EBF2: variants seen among roughly 807,000 people sequenced by gnomAD.
The protein encoded by EBF2 is transcription factor COE2.
EBF2 carries 21 observed loss-of-function variants against 72.8 expected under a neutral mutation model. The observed-to-expected ratio is 0.29, with a 90% CI of 0.20 to 0.42. EBF2 has a LOEUF of 0.42. Ranked by LOEUF, EBF2 falls within the 10% of genes least tolerant of loss-of-function variation. The pLI is 1.00. For missense variants in EBF2, 637 were observed against 731.2 expected (o/e 0.87, Z 1.49); for synonymous variants, 299 against 274.2 (o/e 1.09, Z -0.89).
In EBF2 at chr8:26,041,516, G is replaced by A. The variant is rs559919600; in HGVS notation, c.289-514C>T. ...ACTCTAAAGCTCACATTGTACAGCT[G>A]GGGACACGGAGACCCGGAAAGGGCA... On this transcript the variant is annotated intron_variant, in intron 2 of 15. Coordinates refer to ENST00000520164, the MANE Select transcript of EBF2 (RefSeq NM_022659.4). The A allele has an allele frequency of 6.6e-5, 11 of 167,874 alleles. No individual in the cohort carries two copies. In the South Asian group the frequency reaches 1.3e-3, roughly 19 times the overall value. The allele number at this position is 167,874 out of a possible 1,614,324, so 10.4% of individuals were successfully genotyped here.
At chr8:25,913,044 C>T (rs559196783) in intron 6 of EBF2, among the ~76,000 whole-genome samples, 11 of 152,286 alleles carry the variant, frequency 7.2e-5, no homozygotes, top group African/African-American at 2.2e-4. Flanking sequence ...TGGTCTAGCA[C>T]AAAACCCAGC....
chr8:25,859,271 G>C (rs1563378162), intron 13 of EBF2, among the ~76,000 whole-genome samples: 1 of 152,216 alleles, frequency 6.6e-6, no homozygotes, highest in Non-Finnish European at 1.5e-5. Flanking sequence ...CTAGCCTAGT[G>C]TTTGCCAAAT....
chr8:25,872,040 A>T (rs193033450), intron 10 of EBF2, among the ~76,000 whole-genome samples: 1 of 151,864 alleles, frequency 6.6e-6, no homozygotes, highest in African/African-American at 2.4e-5. Context: ...TATGGTTTTA[A>T]TTTTCTTTCC....
At chr8:25,907,892 G>A (rs1382454381) in intron 7 of EBF2, among the ~76,000 whole-genome samples, 4 of 152,116 alleles carry the variant, frequency 2.6e-5, no homozygotes, top group East Asian at 1.9e-4. Flanking sequence ...ACTTTGCCTC[G>A]CTCTGTTTTT....
Position 25,850,680 on chromosome 8 carries a change from T to C in EBF2, c.1610A>G (p.Lys537Arg). ...PFSSSVFPAV[K>R]QKSAFAPVIR... ...GACAGGGGCAAAGGCACTCTTCTGT[T>C]TGACAGCAGGAAAAACTGAAGAGGA... Residue 537 changes from lysine (K) to arginine (R), a missense_variant, in exon 15 of 16, where the codon AAA (lysine) becomes AGA (arginine). Lys to Arg is a conservative substitution (Grantham distance 26). This residue lies in a region of EBF2 where 259 missense variants were observed against 268.1 expected (regional missense o/e 0.97). Transcript: ENST00000520164. The C allele has an allele frequency of 6.4e-7, 1 of 1,563,626 alleles. No individual in the cohort carries two copies. The highest frequency in any genetic ancestry group is 8.6e-7 in the Non-Finnish European group (1 of 1,163,396).
chr8:26,015,393 A>T (rs1164900364), intron 6 of EBF2, among the ~76,000 whole-genome samples: 4 of 152,170 alleles, frequency 2.6e-5, no homozygotes, highest in Non-Finnish European at 5.9e-5. Flanking sequence ...TTTCATCTTT[A>T]ACCAGCAGTT....
chr8:25,911,374 C>T (rs146383324), intron 6 of EBF2, among the ~76,000 whole-genome samples: 9 of 152,146 alleles, frequency 5.9e-5, no homozygotes, highest in Non-Finnish European at 1.3e-4. Flanking sequence ...TCCTTAAGAG[C>T]GAACACTAAC....
intron 6 of EBF2, among the ~76,000 whole-genome samples, chr8:25,911,684 A>G (rs555229277): frequency 1.3e-5 from 2 of 151,928 alleles, no homozygotes; most frequent in South Asian, 2.1e-4. Context: ...AGAAAAATGT[A>G]CAGAGTTGAG....
At chr8:25,970,425 T>G (rs1804173023) in intron 6 of EBF2, among the ~76,000 whole-genome samples, 1 of 152,136 alleles carries the variant, frequency 6.6e-6, no homozygotes, top group African/African-American at 2.4e-5. Flanking sequence ...TGAGCTCTCC[T>G]TAGACATATG....
chr8:25,894,122 G>A (rs2117297771), intron 7 of EBF2, among the ~76,000 whole-genome samples: 1 of 152,208 alleles, frequency 6.6e-6, no homozygotes, highest in Admixed American at 6.5e-5. Context: ...AAAATGTGAT[G>A]GATTTAATTC....
At chr8:25,994,719 T>C (rs748323897) in intron 6 of EBF2, among the ~76,000 whole-genome samples, 5 of 152,194 alleles carry the variant, frequency 3.3e-5, no homozygotes, top group Non-Finnish European at 7.3e-5. Context: ...TTCTCACTTA[T>C]AAGTGGGAGC....
chr8:25,986,016 A>AAAAAAAAAAAAAAAAAAAAAAAAAC (rs1804447988), intron 6 of EBF2, among the ~76,000 whole-genome samples: 1 of 149,578 alleles, frequency 6.7e-6, no homozygotes, highest in Non-Finnish European at 1.5e-5. Flanking sequence ...AAAAAAAAAA[A>AAAAAAAAAAAAAAAAAAAAAAAAAC]AAAAAAAAAG....
rs966724487 is a variant in EBF2, at chr8:25,842,422, AT to A, written c.*2186del. 6.6e-6 allele frequency: 1 copy of A among 152,204 alleles called. No individual in the cohort carries two copies. Among genetic ancestry groups the A allele is most frequent in the Non-Finnish European group, 1.5e-5 (1 of 68,028 alleles). 9.4% of individuals were successfully genotyped at this position (152,204 alleles called of 1,614,324 possible). A position where few individuals can be genotyped will look rare whatever the true frequency, so the allele number is the denominator to read the frequency against. ...GCACTCATCTTCATGCAAAAGGAAA[AT>A]TCACAGGTTCTAAAAGCAATGCTAC... On this transcript the variant is annotated 3_prime_UTR_variant, in exon 16 of 16. Transcript: ENST00000520164.
intron 6 of EBF2, among the ~76,000 whole-genome samples, chr8:25,916,854 G>A (rs1803226202): frequency 1.3e-5 from 2 of 152,092 alleles, no homozygotes; most frequent in South Asian, 4.2e-4. Flanking sequence ...CAAGTCCCTG[G>A]AAGTGGCATT....
chr8:26,024,477 T>G (rs1297508138), intron 6 of EBF2, among the ~76,000 whole-genome samples: 3 of 152,192 alleles, frequency 2.0e-5, no homozygotes, highest in Non-Finnish European at 4.4e-5. Flanking sequence ...TGATAAATAC[T>G]TACTAAATAT....
chr8:26,027,657 G>T (rs1046331648), intron 6 of EBF2, among the ~76,000 whole-genome samples: 4 of 21,054 alleles, frequency 1.9e-4, no homozygotes, highest in Non-Finnish European at 4.2e-4. Flanking sequence ...ACTCAAACAG[G>T]TACTCATATA....
At chr8:25,858,610 C>A in intron 13 of EBF2, 106 bp from the exon 14 acceptor site, 1 of 971,040 alleles carries the variant, frequency 1.0e-6, no homozygotes, top group Non-Finnish European at 1.5e-6. Context: ...ATGTCACCAG[C>A]TGCCCCGGGC....
rs904784376 is a variant in EBF2, at chr8:25,908,696, A to G, written c.552-141T>C. 3.9e-5 allele frequency: 25 copies of G among 637,692 alleles called. 2 individuals carry two copies. Among genetic ancestry groups the G allele is most frequent in the Non-Finnish European group, 2.7e-6 (1 of 367,406 alleles). 39.5% of individuals were successfully genotyped at this position (637,692 alleles called of 1,614,324 possible). On this transcript the variant is annotated intron_variant, in intron 6 of 15. Transcript: ENST00000520164. ...CAACCTGCCCTGCCTGTGAAGGAAC[A>G]CTGCTGACCCTCTGCAATTTGCAAA... is the stretch of plus-strand genomic sequence containing the variant.
Position 25,844,333 on chromosome 8 carries a change from C to A in EBF2, c.*276G>T. The A allele has an allele frequency of 3.2e-6, 1 of 309,470 alleles. No individual in the cohort carries two copies. Among genetic ancestry groups the A allele is most frequent in the Non-Finnish European group, 5.9e-6 (1 of 168,132 alleles). The allele number at this position is 309,470 out of a possible 1,614,324, so 19.2% of individuals were successfully genotyped here. On this transcript the variant is annotated 3_prime_UTR_variant, in exon 16 of 16. Transcript: ENST00000520164. ...TTTACAAACATAGGAAGGTGGTTTT[C>A]ATAATGTTCATAACAAAGAATTGCA...
Sources: gnomAD v4.1 joint callset for allele counts (sites outside exome capture counted in the v4.1 genomes callset) on GRCh38, gnomAD v4.1.1 for gene constraint, gnomAD v4.1.1 regional missense constraint, MANE v1.5 for transcripts, NCBI Gene and HGNC (gene_info 2026-07-23, HGNC 2026-07-21) for gene names.